The following MAP7D3 variants were observed in gnomAD, a reference collection of about 807,000 sequenced individuals.
The protein encoded by MAP7D3 is MAP7 domain-containing protein 3.
Under a neutral mutation model 62.2 loss-of-function variants are expected in MAP7D3, and 45 were observed. That is an observed-to-expected ratio of 0.72 (90% CI 0.57 to 0.93). The LOEUF (loss-of-function observed/expected upper bound fraction) is 0.93. Among genes scored for constraint, MAP7D3 ranks in the 40% least tolerant of loss-of-function variants. The pLI is 0.00. For synonymous variants in MAP7D3, 288 were observed against 248.8 expected (o/e 1.16, Z -1.48); for missense variants, 711 against 683.1 (o/e 1.04, Z -0.45).
downstream of MAP7D3, among the ~76,000 whole-genome samples, chrX:136,216,111 TA>T (rs1388905198): frequency 2.7e-5 from 3 of 110,145 alleles, no homozygotes; most frequent in Non-Finnish European, 3.8e-5. Context: ...AAAAACAAAA[TA>T]TTTTTTTTAA....
intron 6 of MAP7D3, among the ~76,000 whole-genome samples, chrX:136,236,588 C>T (rs1030333031): frequency 1.4e-4 from 16 of 110,975 alleles, no homozygotes; most frequent in African/African-American, 4.9e-4. Flanking sequence ...ATCAAAGTTC[C>T]CAAATTATAA....
Position 136,230,334 on chromosome X carries a change from C to A in MAP7D3, c.1750+51G>T, listed in dbSNP as rs374863002. 4.1e-6 allele frequency: 3 copies of A among 723,018 alleles called. No individual in the cohort carries two copies. The African/African-American group carries it at 6.4e-5, about 16-fold the overall frequency. 59.6% of individuals were successfully genotyped at this position (723,018 alleles called of 1,213,427 possible). ...AATGAAGTGAACCTTTCCCAGAATA[C>A]AGTAAGATTTTCTGTGTTGCTAAGA... On this transcript the variant is annotated intron_variant, in intron 10 of 18. Transcript: ENST00000316077.
chrX:136,252,676 C>CAAAAAAAAAAAA (rs770751343), upstream of MAP7D3, among the ~76,000 whole-genome samples: 3 of 36,045 alleles, frequency 8.3e-5, no homozygotes, highest in Non-Finnish European at 1.3e-4. Context: ...GACTCTGTCT[C>CAAAAAAAAAAAA]AAAAAAAAAA....
chrX:136,255,088 G>A (rs748132785), upstream of MAP7D3, among the ~76,000 whole-genome samples: 4 of 111,624 alleles, frequency 3.6e-5, no homozygotes, highest in South Asian at 7.6e-4. Context: ...GTGGTGGCAC[G>A]CGCCTGTAAT....
At position 136,220,790 on chromosome X, in the gene MAP7D3, T is replaced by C. The variant is rs1398196685; in HGVS notation, c.2461A>G (p.Thr821Ala). ...KNFRQKSMKD[T>A]SIQEVVSRPS... ...CTTGAAACTACTTCCTGTATTGAAG[T>C]GTCTTTCATGCTTTTTTGTCTGAAG... Residue 821 changes from threonine (T) to alanine (A), a missense_variant, in exon 16 of 19, where the codon ACT (threonine) becomes GCT (alanine). Coordinates refer to ENST00000316077, the MANE Select transcript of MAP7D3 (RefSeq NM_024597.4). 8.3e-7 allele frequency: 1 copy of C among 1,210,870 alleles called. No individual in the cohort carries two copies.
In MAP7D3 at chrX:136,231,848, G is replaced by A. The variant is rs1028701349; in HGVS notation, c.1109C>T (p.Pro370Leu). The change falls in exon 8 of 19, where the codon CCG (proline) becomes CTG (leucine). Residue 370 changes from proline to leucine, a missense_variant. Coordinates refer to ENST00000316077, the MANE Select transcript of MAP7D3 (RefSeq NM_024597.4). ...GGGAACTGTTTCCAGGTCCACCTTC[G>A]GGAGTGCTTCTATGCTCAACTCGGG... is the stretch of plus-strand genomic sequence containing the variant. ...ASPELSIEAL[P>L]KVDLETVPKV... 4.1e-6 allele frequency: 5 copies of A among 1,211,655 alleles called. No homozygotes were observed. Among genetic ancestry groups the A allele is most frequent in the Admixed American group, 2.2e-5 (1 of 46,045 alleles).
At chrX:136,222,582 T>G in intron 14 of MAP7D3, 96 bp from the exon 15 acceptor site, 1 of 685,329 alleles carries the variant, frequency 1.5e-6, no homozygotes, top group Middle Eastern at 4.2e-4. Flanking sequence ...GACTGATGGC[T>G]AATTTTTGTC....
intron 16 of MAP7D3, among the ~76,000 whole-genome samples, chrX:136,220,049 T>C (rs1188548611): frequency 1.8e-5 from 2 of 112,528 alleles, no homozygotes; most frequent in Non-Finnish European, 3.8e-5. Context: ...CTCCTGTTCC[T>C]GTGGGCCTTG....
chrX:136,242,824 T>C (rs1257074433), intron 4 of MAP7D3, among the ~76,000 whole-genome samples: 1 of 112,233 alleles, frequency 8.9e-6, no homozygotes. Context: ...TATCATTACT[T>C]AGTTCATTCT....
upstream of MAP7D3, among the ~76,000 whole-genome samples, chrX:136,253,941 G>T (rs893081984): frequency 1.4e-4 from 15 of 109,624 alleles, no homozygotes; most frequent in South Asian, 4.2e-4. Flanking sequence ...CCAGGAGGCG[G>T]AGGTTGCAGT....
At chrX:136,226,825 G>A (rs999836544) in intron 12 of MAP7D3, among the ~76,000 whole-genome samples, 2 of 112,170 alleles carry the variant, frequency 1.8e-5, no homozygotes, top group Admixed American at 1.9e-4. Context: ...AATAGAGACT[G>A]TAACATAAAA....
intron 7 of MAP7D3, among the ~76,000 whole-genome samples, chrX:136,233,691 CATCTTT>C (rs1408159595): frequency 2.1e-5 from 2 of 96,877 alleles, no homozygotes; most frequent in Non-Finnish European, 2.0e-5. Context: ...TCTGCCATCT[CATCTTT>C]AAGTATGGGT....
At position 136,218,351 on chromosome X, in the gene MAP7D3, C is replaced by T. The variant is rs1444405173; in HGVS notation, c.*175G>A. On this transcript the variant is annotated 3_prime_UTR_variant, in exon 19 of 19. Transcript: ENST00000316077. ...GATATACATCAAAGTGGCCTTTTGA[C>T]AGTTTCTTTCAATTTTTCGGTGTCA... 2 of 112,150 alleles carry T rather than the reference C, an allele frequency of 1.8e-5. No individual in the cohort carries two copies. Among genetic ancestry groups the T allele is most frequent in the African/African-American group, 6.5e-5 (2 of 30,866 alleles). 9.2% of individuals were successfully genotyped at this position (112,150 alleles called of 1,213,427 possible). A position where few individuals can be genotyped will look rare whatever the true frequency, so the allele number is the denominator to read the frequency against.
At chrX:136,253,034 G>A (rs1430561569), upstream of MAP7D3, among the ~76,000 whole-genome samples, 2 of 110,243 alleles carry the variant, frequency 1.8e-5, no homozygotes, top group African/African-American at 3.3e-5. Context: ...GGAGGTGGAG[G>A]TTGCAGTGAG....
rs1303729121 is a variant in MAP7D3, at chrX:136,225,958, T to C, written c.2090A>G (p.His697Arg). ...QEEADKRKKE[H>R]ERIMLQNLQE... ...TAAATTTTGTAACATAATTCTCTCG[T>C]GTTCTTTCTTGCGTTTGTCAGCTTC... The change falls in exon 13 of 19, where the codon CAC (histidine) becomes CGC (arginine). Residue 697 changes from histidine (H) to arginine (R), a missense_variant. His to Arg is a conservative substitution (Grantham distance 29). Coordinates refer to ENST00000316077, the MANE Select transcript of MAP7D3 (RefSeq NM_024597.4). 8.3e-7 allele frequency: 1 copy of C among 1,204,212 alleles called. No individual in the cohort carries two copies. Among genetic ancestry groups the C allele is most frequent in the East Asian group, 3.0e-5 (1 of 33,640 alleles).
chrX:136,250,348 A>C (rs2074491119), intron 1 of MAP7D3, among the ~76,000 whole-genome samples: 1 of 112,408 alleles, frequency 8.9e-6, no homozygotes, highest in Non-Finnish European at 1.9e-5. Context: ...GAACTAGTCT[A>C]ACAGGCTAAA....
rs369912618 is a variant in MAP7D3 at position 136,231,608 on chromosome X, G to A, written c.1349C>T (p.Pro450Leu). The change falls in exon 8 of 19, where the codon CCC becomes CTC. Residue 450 changes from proline (P) to leucine (L), a missense_variant. By Grantham distance (98) the Pro-to-Leu change is moderately conservative. Coordinates refer to ENST00000316077, the MANE Select transcript of MAP7D3 (RefSeq NM_024597.4). The stretch of plus-strand genomic sequence containing the variant: ...CATGCTTGCTTCAAGGGATGTCTTG[G>A]GGGATGCTTTCACCATCGCCTCAGG... Reference protein sequence around the residue: ...ASPEAMVKASPKTSLEASMEA... With the variant: ...ASPEAMVKASLKTSLEASMEA... 1.3e-5 allele frequency: 16 copies of A among 1,208,334 alleles called. No individual in the cohort carries two copies. Among genetic ancestry groups the A allele is most frequent in the Non-Finnish European group, 1.8e-5 (16 of 894,646 alleles).
chrX:136,226,838 G>A (rs2074202910), intron 12 of MAP7D3, among the ~76,000 whole-genome samples: 2 of 112,140 alleles, frequency 1.8e-5, no homozygotes, highest in Admixed American at 9.5e-5. Flanking sequence ...ACATAAAAAT[G>A]CAGCCAGAGG....
chrX:136,217,987 G>T lies in MAP7D3; in HGVS notation c.*539C>A, dbSNP rs1046153596. The T allele has an allele frequency of 1.8e-5, 2 of 109,224 alleles. No homozygotes were observed. The highest frequency in any genetic ancestry group is 6.7e-5 in the African/African-American group (2 of 29,976). The allele number at this position is 109,224 out of a possible 1,213,427, so 9.0% of individuals were successfully genotyped here. A position where few individuals can be genotyped will look rare whatever the true frequency, so the allele number is the denominator to read the frequency against. ...GGAGAATTGCTTGAGATGAGGAGGC[G>T]GAGGTTGCAGTGAGCCGAGATTGTG... On this transcript the variant is annotated 3_prime_UTR_variant, in exon 19 of 19. Coordinates refer to ENST00000316077, the MANE Select transcript of MAP7D3 (RefSeq NM_024597.4).
Sources: allele counts gnomAD v4.1 joint callset (sites outside exome capture counted in the v4.1 genomes callset), GRCh38; gene constraint gnomAD v4.1.1; transcripts MANE v1.5; gene names NCBI Gene and HGNC (gene_info 2026-07-23, HGNC 2026-07-21).